The following ARHGAP31 variants were observed in gnomAD, a reference collection of about 807,000 sequenced individuals.
The protein encoded by ARHGAP31 is rho GTPase-activating protein 31.
In ARHGAP31, 34 loss-of-function variants were observed where a neutral mutation model predicts 113.9. That is an observed-to-expected ratio of 0.30 (90% CI 0.23 to 0.40). The LOEUF is 0.40. Among genes scored for constraint, ARHGAP31 ranks in the 10% least tolerant of loss-of-function variants. The pLI is 1.00. For synonymous variants in ARHGAP31, 650 were observed against 684.8 expected, an observed-to-expected ratio of 0.95 and a Z score of 0.79; for missense variants, 1,548 against 1,767.1, an observed-to-expected ratio of 0.88 and a Z score of 2.22.
chr3:119,371,352 C>G (rs997580665), intron 3 of ARHGAP31, among the ~76,000 whole-genome samples: 1 of 152,192 alleles, frequency 6.6e-6, no homozygotes, highest in Non-Finnish European at 1.5e-5. Context: ...CTCACAGCAA[C>G]TGAAAAATAC....
chr3:119,313,250 G>T (rs1438881933), intron 1 of ARHGAP31, among the ~76,000 whole-genome samples: 1 of 152,072 alleles, frequency 6.6e-6, no homozygotes, highest in Non-Finnish European at 1.5e-5. Flanking sequence ...GAATCAACTA[G>T]TGTTATTTTC....
chr3:119,331,572 T>C (rs771618288), intron 1 of ARHGAP31, among the ~76,000 whole-genome samples: 7 of 152,154 alleles, frequency 4.6e-5, no homozygotes, highest in Middle Eastern at 3.2e-3. Context: ...CATGAGTCCT[T>C]GACTAGAATG....
chr3:119,343,821 A>G (rs1380241995), intron 1 of ARHGAP31, among the ~76,000 whole-genome samples: 1 of 152,218 alleles, frequency 6.6e-6, no homozygotes. Context: ...ACTCCTGTAC[A>G]TCTAGAAGCC....
Position 119,416,408 on chromosome 3 carries a change from C to T in ARHGAP31, c.*144C>T. ...TTCTCTTTCTTCAGCCTTTTGACCACTTATTAATTAGTCCATTTGCTAGAA... is the reference window on the plus strand; with the variant it reads ...TTCTCTTTCTTCAGCCTTTTGACCATTTATTAATTAGTCCATTTGCTAGAA... On this transcript the variant is annotated 3_prime_UTR_variant, in exon 12 of 12. Coordinates refer to ENST00000264245, the MANE Select transcript of ARHGAP31 (RefSeq NM_020754.4). 8.6e-7 allele frequency: 1 copy of T among 1,167,650 alleles called. No individual in the cohort carries two copies. Among genetic ancestry groups the T allele is most frequent in the Non-Finnish European group, 1.2e-6 (1 of 812,010 alleles). 72.3% of individuals were successfully genotyped at this position (1,167,650 alleles called of 1,614,324 possible).
At chr3:119,379,302 G>GTGGGAGGGAT (rs2107629737) in intron 3 of ARHGAP31, among the ~76,000 whole-genome samples, 1 of 152,324 alleles carries the variant, frequency 6.6e-6, no homozygotes, top group East Asian at 1.9e-4. Context: ...TGGGGAAAAA[G>GTGGGAGGGAT]TGGGAGGGAT....
In ARHGAP31 at chr3:119,376,902, A is replaced by C. The variant is rs145727864; in HGVS notation, c.349-4002A>C. On this transcript the variant is annotated intron_variant, in intron 3 of 11. Coordinates refer to ENST00000264245, the MANE Select transcript of ARHGAP31 (RefSeq NM_020754.4). ...GTTTCCAGGGACTCTCCCTGTTTCA[A>C]CACCGAAAATCTCATGTTCCAGGAA... Among the ~76,000 whole-genome samples, 58 of 152,282 alleles carry C rather than the reference A, an allele frequency of 3.8e-4. No homozygotes were observed. In the East Asian group the frequency reaches 0.011, roughly 29 times the overall value.
At chr3:119,394,488 A>T (rs1433041586) in intron 8 of ARHGAP31, among the ~76,000 whole-genome samples, 1 of 152,188 alleles carries the variant, frequency 6.6e-6, no homozygotes, top group Non-Finnish European at 1.5e-5. Flanking sequence ...GCAGCTGAAT[A>T]TTATGTCAGG....
At position 119,310,750 on chromosome 3, in the gene ARHGAP31, A is replaced by G. The variant is rs150027669; in HGVS notation, c.100+15746A>G. Among the ~76,000 whole-genome samples the G allele has an allele frequency of 4.1e-3, 626 of 152,288 alleles. 4 individuals carry two copies. Among genetic ancestry groups the G allele is most frequent in the African/African-American group, 0.013 (561 of 41,560 alleles). On this transcript the variant is annotated intron_variant, in intron 1 of 11. Coordinates refer to ENST00000264245, the MANE Select transcript of ARHGAP31 (RefSeq NM_020754.4). ...AGGTTGGGGACTGCTGGCTTAGACA[A>G]CCACCATTTAGCGAGAGCACTTTGA...
At chr3:119,365,895 T>A (rs2080249362) in intron 2 of ARHGAP31, among the ~76,000 whole-genome samples, 1 of 151,958 alleles carries the variant, frequency 6.6e-6, no homozygotes, top group Non-Finnish European at 1.5e-5. Context: ...TGTCTCTAAT[T>A]GATGCTAGGA....
chr3:119,377,280 A>G (rs1181733473), intron 3 of ARHGAP31, among the ~76,000 whole-genome samples: 1 of 152,232 alleles, frequency 6.6e-6, no homozygotes, highest in African/African-American at 2.4e-5. Flanking sequence ...TGTAAGACAT[A>G]GATCTATAAT....
chr3:119,328,742 G>T (rs2079867421), intron 1 of ARHGAP31, among the ~76,000 whole-genome samples: 1 of 152,038 alleles, frequency 6.6e-6, no homozygotes, highest in Non-Finnish European at 1.5e-5. Context: ...CTGAGTTCAA[G>T]CGATTCTCCT....
intron 1 of ARHGAP31, among the ~76,000 whole-genome samples, chr3:119,308,654 A>T (rs1411370525): frequency 3.9e-5 from 6 of 152,220 alleles, no homozygotes; most frequent in African/African-American, 1.4e-4. Context: ...ACCTAATCAC[A>T]TCTGTAAAGC....
intron 1 of ARHGAP31, among the ~76,000 whole-genome samples, chr3:119,335,469 T>G (rs2079936167): frequency 6.6e-6 from 1 of 152,148 alleles, no homozygotes; most frequent in Non-Finnish European, 1.5e-5. Context: ...GGAGACACTT[T>G]GAGGAGCCCC....
intron 9 of ARHGAP31, among the ~76,000 whole-genome samples, chr3:119,400,040 TG>T (rs1180220103): frequency 6.6e-6 from 1 of 152,222 alleles, no homozygotes; most frequent in African/African-American, 2.4e-5. Context: ...ACTTATCCCA[TG>T]ACTTTCCAGC....
At chr3:119,372,827 G>A (rs2080313546) in intron 3 of ARHGAP31, among the ~76,000 whole-genome samples, 1 of 152,104 alleles carries the variant, frequency 6.6e-6, no homozygotes, top group African/African-American at 2.4e-5. Flanking sequence ...ACTCTTGCCT[G>A]GGGTGGTACA....
chr3:119,305,410 C>T (rs1437397847), intron 1 of ARHGAP31, among the ~76,000 whole-genome samples: 1 of 152,208 alleles, frequency 6.6e-6, no homozygotes, highest in Non-Finnish European at 1.5e-5. Flanking sequence ...TAAGTAGCCC[C>T]TTCCACCACT....
At chr3:119,376,758 CAAAA>C (rs71156744) in intron 3 of ARHGAP31, among the ~76,000 whole-genome samples, 2 of 135,738 alleles carry the variant, frequency 1.5e-5, no homozygotes, top group African/African-American at 2.7e-5. Context: ...AGACTCGTCT[CAAAA>C]AAAAAAAAAA....
intron 1 of ARHGAP31, among the ~76,000 whole-genome samples, chr3:119,340,084 CAAAT>C (rs2079994753): frequency 6.6e-6 from 1 of 152,192 alleles, no homozygotes. Context: ...CAGTAAAAAA[CAAAT>C]AATCTAATTA....
chr3:119,388,753 C>T (rs2080476921), intron 6 of ARHGAP31, among the ~76,000 whole-genome samples: 1 of 152,110 alleles, frequency 6.6e-6, no homozygotes, highest in South Asian at 2.1e-4. Flanking sequence ...AGCTTGGGCA[C>T]TGGGTGGTCC....
Sources: allele counts gnomAD v4.1 joint callset (sites outside exome capture counted in the v4.1 genomes callset), GRCh38; gene constraint gnomAD v4.1.1; transcripts MANE v1.5; gene names NCBI Gene and HGNC (gene_info 2026-07-23, HGNC 2026-07-21).